Variants in ZNF569 observed in about 807,000 individuals in gnomAD.
The protein encoded by ZNF569 is zinc finger protein 569.
Under a neutral mutation model 56.3 loss-of-function variants are expected in ZNF569, and 38 were observed. The ratio of observed to expected loss-of-function variants is 0.68; its 90% confidence interval spans 0.52 to 0.88. The LOEUF is 0.88. Ranked by LOEUF, ZNF569 falls within the 40% of genes least tolerant of loss-of-function variation. ZNF569 has a pLI of 0.00. For missense variants in ZNF569, 666 were observed against 809.2 expected, an observed-to-expected ratio of 0.82 and a Z score of 2.15; for synonymous variants, 241 against 262.9, an observed-to-expected ratio of 0.92 and a Z score of 0.81.
intron 2 of ZNF569, among the ~76,000 whole-genome samples, chr19:37,449,509 C>T (rs1401919078): frequency 6.6e-6 from 1 of 152,096 alleles, no homozygotes; most frequent in Non-Finnish European, 1.5e-5. Context: ...GTTTTTGCCT[C>T]GTATATCTTG....
intron 2 of ZNF569, among the ~76,000 whole-genome samples, chr19:37,457,887 C>CT (rs200755637): frequency 4.6e-5 from 7 of 151,392 alleles, no homozygotes; most frequent in East Asian, 1.9e-4. Flanking sequence ...TTTTTATATT[C>CT]TTTTTTTTTG....
intron 3 of ZNF569, among the ~76,000 whole-genome samples, chr19:37,431,398 C>T (rs531548391): frequency 5.9e-4 from 90 of 152,282 alleles, no homozygotes; most frequent in Middle Eastern, 6.8e-3. Flanking sequence ...GGCCCCCATT[C>T]CATGCGCTAG....
intron 2 of ZNF569, among the ~76,000 whole-genome samples, chr19:37,464,894 T>C (rs190004130): frequency 6.6e-6 from 1 of 152,282 alleles, no homozygotes; most frequent in Non-Finnish European, 1.5e-5. Context: ...ATAGTATCAC[T>C]TCCATGCTCA....
At position 37,426,391 on chromosome 19, in the gene ZNF569, A is replaced by G. The variant is rs1185895289; in HGVS notation, c.16-13T>C. On this transcript the variant is annotated splice_polypyrimidine_tract_variant and intron_variant, in intron 3 of 5. Coordinates refer to ENST00000316950, the MANE Select transcript of ZNF569 (RefSeq NM_152484.3). Reference sequence around the variant, plus strand: ...ATGTTACTGTTCCCTGTAACAACACACTCCCACTCAATCTGAAGTCATCCA... The same window carrying G: ...ATGTTACTGTTCCCTGTAACAACACGCTCCCACTCAATCTGAAGTCATCCA... 1.9e-6 allele frequency: 3 copies of G among 1,583,164 alleles called. No homozygotes were observed. The South Asian group carries it at 3.5e-5, about 19-fold the overall frequency.
intron 3 of ZNF569, among the ~76,000 whole-genome samples, chr19:37,441,109 CAG>C (rs368707676): frequency 5.3e-5 from 8 of 152,200 alleles, no homozygotes; most frequent in African/African-American, 1.9e-4. Flanking sequence ...AAAGGAAAGA[CAG>C]AGGAGAAGAT....
At chr19:37,468,037 C>G (rs1449575262), upstream of ZNF569, 1 of 1,012,310 alleles carries the variant, frequency 9.9e-7, no homozygotes, top group Non-Finnish European at 1.5e-6. Flanking sequence ...TGTGTCATCT[C>G]AGACTAGGTA....
intron 1 of ZNF569, among the ~76,000 whole-genome samples, chr19:37,466,094 G>A (rs1300727390): frequency 6.6e-6 from 1 of 152,146 alleles, no homozygotes; most frequent in African/African-American, 2.4e-5. Flanking sequence ...ACACAAAGGC[G>A]GGGGTGAAAA....
chr19:37,414,507 G>C, intron 5 of ZNF569, 88 bp from the exon 6 acceptor site: 3 of 1,477,506 alleles, frequency 2.0e-6, no homozygotes, highest in Non-Finnish European at 2.7e-6. Flanking sequence ...GCAATTATGG[G>C]ACTGATTATT....
rs755612030 is a variant in ZNF569 at position 37,413,567 on chromosome 19, G to C, written c.1091C>G (p.Ser364Cys). Residue 364 changes from serine (S) to cysteine (C), a missense_variant, in exon 6 of 6, where the codon TCT becomes TGT. Physicochemically the swap from Ser to Cys is moderately radical, Grantham distance 112. Coordinates refer to ENST00000316950, the MANE Select transcript of ZNF569 (RefSeq NM_152484.3). Reference sequence around the variant, plus strand: ...ATGTATAATAAGCATGGAAAACTGAGAGAAGGCTTTACCACATTTATCACA... The same window carrying C: ...ATGTATAATAAGCATGGAAAACTGACAGAAGGCTTTACCACATTTATCACA... ...YKCDKCGKAF[S>C]QFSMLIIHVR... The C allele has an allele frequency of 6.2e-7, 1 of 1,613,468 alleles. No individual in the cohort carries two copies. The highest frequency in any genetic ancestry group is 1.1e-5 in the South Asian group (1 of 90,978).
chr19:37,464,081 A>G (rs996723680), intron 2 of ZNF569, among the ~76,000 whole-genome samples: 1 of 152,228 alleles, frequency 6.6e-6, no homozygotes, highest in African/African-American at 2.4e-5. Flanking sequence ...GCCTAAGTGT[A>G]CGGTGTTTAT....
intron 5 of ZNF569, 144 bp from the exon 6 acceptor site, chr19:37,414,563 A>AT (rs1216990008): frequency 7.7e-7 from 1 of 1,300,264 alleles, no homozygotes; most frequent in Non-Finnish European, 1.0e-6. Flanking sequence ...TCAACTGCAT[A>AT]TATCTCTTAT....
intron 5 of ZNF569, among the ~76,000 whole-genome samples, chr19:37,417,852 G>A (rs747658565): frequency 6.6e-6 from 1 of 152,128 alleles, no homozygotes; most frequent in Non-Finnish European, 1.5e-5. Flanking sequence ...GCACACGCCT[G>A]TAATCCCAGC....
chr19:37,413,765 T>G lies in ZNF569; in HGVS notation c.893A>C (p.Tyr298Ser), dbSNP rs1392844787. 4 of 1,613,700 alleles carry G rather than the reference T, an allele frequency of 2.5e-6. No individual in the cohort carries two copies. ...TGCTTTTCCACACTCATTACATTCATAAGGTTTCTCTCCAGTATGAATTTT... is the reference window on the plus strand; with the variant it reads ...TGCTTTTCCACACTCATTACATTCAGAAGGTTTCTCTCCAGTATGAATTTT... ...HEKIHTGEKPYECNECGKAFS... is the reference protein window; with the variant it reads ...HEKIHTGEKPSECNECGKAFS... Residue 298 changes from tyrosine to serine, a missense_variant, in exon 6 of 6, where the codon TAT becomes TCT. Tyr to Ser is a moderately radical substitution (Grantham distance 144). Transcript: ENST00000316950.
chr19:37,439,266 T>C (rs2041364907), intron 3 of ZNF569, among the ~76,000 whole-genome samples: 1 of 152,160 alleles, frequency 6.6e-6, no homozygotes, highest in Non-Finnish European at 1.5e-5. Context: ...AGACGGGGTT[T>C]CACCATGTTG....
chr19:37,423,480 C>A (rs1489501996), intron 5 of ZNF569, among the ~76,000 whole-genome samples: 2 of 152,056 alleles, frequency 1.3e-5, no homozygotes, highest in Admixed American at 1.3e-4. Context: ...GAGGATGAGT[C>A]ATTATTGAGA....
intron 2 of ZNF569, among the ~76,000 whole-genome samples, chr19:37,455,390 G>A (rs2041656218): frequency 6.6e-6 from 1 of 152,108 alleles, no homozygotes; most frequent in Admixed American, 6.5e-5. Context: ...TCTTTCCACT[G>A]CAAAGAACTT....
intron 3 of ZNF569, among the ~76,000 whole-genome samples, chr19:37,440,884 G>A (rs943839447): frequency 1.3e-5 from 2 of 152,126 alleles, no homozygotes; most frequent in Admixed American, 1.3e-4. Context: ...AAATAAATGT[G>A]ATATCCTTCC....
chr19:37,445,105 G>A (rs1487631858), intron 2 of ZNF569, 141 bp from the exon 3 acceptor site: 3 of 646,982 alleles, frequency 4.6e-6, no homozygotes, highest in Non-Finnish European at 7.6e-6. Flanking sequence ...ATACCACAAA[G>A]GTTCTTAATA....
intron 3 of ZNF569, among the ~76,000 whole-genome samples, chr19:37,426,942 C>T (rs965166411): frequency 1.3e-5 from 2 of 152,146 alleles, no homozygotes; most frequent in African/African-American, 4.8e-5. Flanking sequence ...CAGAGACAAC[C>T]ATGAAAAAAC....
Sources: gnomAD v4.1 joint callset for allele counts (sites outside exome capture counted in the v4.1 genomes callset) on GRCh38, gnomAD v4.1.1 for gene constraint, MANE v1.5 for transcripts, NCBI Gene and HGNC (gene_info 2026-07-23, HGNC 2026-07-21) for gene names.